RPS6KA2: variants seen among roughly 807,000 people sequenced by gnomAD.
The protein encoded by RPS6KA2 is ribosomal protein S6 kinase alpha-2.
In RPS6KA2, 42 loss-of-function variants were observed where a neutral mutation model predicts 91.8. The ratio of observed to expected loss-of-function variants is 0.46; its 90% CI spans 0.36 to 0.59. The LOEUF is 0.59. RPS6KA2 is among the 20% of genes least tolerant of loss of function. The pLI, the probability that RPS6KA2 is intolerant of heterozygous loss-of-function variation, is 0.00. For missense variants in RPS6KA2, 798 were observed against 978.5 expected (o/e 0.82, Z 2.46); for synonymous variants, 414 against 393.6 (o/e 1.05, Z -0.61).
chr6:166,604,773 G>T (rs1349686349), intron 1 of RPS6KA2, among the ~76,000 whole-genome samples: 2 of 152,200 alleles, frequency 1.3e-5, no homozygotes, highest in Non-Finnish European at 1.5e-5. Context: ...AGAAGGAGAA[G>T]ACTACGAGCC....
At chr6:166,482,162 C>T (rs1438499903) in intron 10 of RPS6KA2, among the ~76,000 whole-genome samples, 1 of 152,234 alleles carries the variant, frequency 6.6e-6, no homozygotes, top group Non-Finnish European at 1.5e-5. Context: ...ATATACCTCT[C>T]TGATCGATCT....
At chr6:166,461,900 G>T (rs1562510067) in intron 11 of RPS6KA2, among the ~76,000 whole-genome samples, 1 of 152,056 alleles carries the variant, frequency 6.6e-6, no homozygotes, top group Non-Finnish European at 1.5e-5. Context: ...CATCCCCAGA[G>T]CCTGGTGCCC....
intron 2 of RPS6KA2, among the ~76,000 whole-genome samples, chr6:166,791,450 A>G (rs1211695022): frequency 6.6e-6 from 1 of 152,284 alleles, no homozygotes; most frequent in East Asian, 1.9e-4. Context: ...ACATTAGACA[A>G]GTCAACGAGA....
intron 4 of RPS6KA2, chr6:166,509,420 C>T (rs553705122): frequency 2.2e-4 from 38 of 170,152 alleles, no homozygotes; most frequent in African/African-American, 7.2e-5. Context: ...CCTCCTCTGC[C>T]GGGAGGTAGA....
chr6:166,834,527 G>A (rs553841383), intron 2 of RPS6KA2, among the ~76,000 whole-genome samples: 79 of 152,264 alleles, frequency 5.2e-4, no homozygotes, highest in Admixed American at 2.0e-3. Context: ...CTTAGTACCT[G>A]GGTGATGAAA....
chr6:166,486,348 C>T (rs928530650), intron 10 of RPS6KA2, among the ~76,000 whole-genome samples: 4 of 152,180 alleles, frequency 2.6e-5, no homozygotes, highest in Admixed American at 6.5e-5. Context: ...CCTGATCAGG[C>T]GTCCTCCCCT....
intron 2 of RPS6KA2, among the ~76,000 whole-genome samples, chr6:166,786,292 C>A (rs1475499757): frequency 6.6e-6 from 1 of 152,110 alleles, no homozygotes; most frequent in Admixed American, 6.5e-5. Flanking sequence ...GTCTAATAAA[C>A]CTTAATTCCA....
At chr6:166,730,638 T>C (rs1260170810) in intron 2 of RPS6KA2, among the ~76,000 whole-genome samples, 1 of 152,234 alleles carries the variant, frequency 6.6e-6, no homozygotes, top group Non-Finnish European at 1.5e-5. Flanking sequence ...TTATTCTAAA[T>C]TCTTCTCTAT....
chr6:166,794,251 A>G, intron 2 of RPS6KA2, among the ~76,000 whole-genome samples: 31 of 146,370 alleles, frequency 2.1e-4, no homozygotes, highest in African/African-American at 3.5e-4. Context: ...AACACATGAA[A>G]AAATGCTCAT....
Position 166,501,136 on chromosome 6 carries a change from G to A in RPS6KA2, c.567-212C>T, listed in dbSNP as rs80011876. 4.1e-3 allele frequency among the ~76,000 whole-genome samples: 619 copies of A among 152,280 alleles called. 4 individuals are homozygous for A. Among genetic ancestry groups the A allele is most frequent in the African/African-American group, 0.014 (595 of 41,568 alleles). On this transcript the variant is annotated intron_variant, in intron 6 of 20. Coordinates refer to ENST00000265678, the MANE Select transcript of RPS6KA2 (RefSeq NM_021135.6). ...AGCTCCCAGCTCGAGAAAGCATTTG[G>A]TGCCACACCTCCTGGATAAAGGGAT...
Position 166,563,110 on chromosome 6 carries a change from A to G in RPS6KA2, c.100-24326T>C, listed in dbSNP as rs1333771897. Among the ~76,000 whole-genome samples, 1 of 152,138 alleles carries G rather than the reference A, an allele frequency of 6.6e-6. No individual in the cohort carries two copies. The highest frequency in any genetic ancestry group is 1.5e-5 in the Non-Finnish European group (1 of 67,996). ...CCTTGGAGTCCCTTCCAGTGTGTGG[A>G]AGAGATCCAGCCTGCAATGACTGGA... On this transcript the variant is annotated intron_variant, in intron 1 of 20. Coordinates refer to ENST00000265678, the MANE Select transcript of RPS6KA2 (RefSeq NM_021135.6). This position sits in a 1 kb window ranked among gnomAD's most constrained non-coding sequence, Gnocchi z 4.1.
intron 10 of RPS6KA2, among the ~76,000 whole-genome samples, chr6:166,484,126 G>T (rs902630823): frequency 2.0e-5 from 3 of 152,250 alleles, no homozygotes; most frequent in Non-Finnish European, 2.9e-5. Flanking sequence ...AATGGATAGA[G>T]ATGAAGCAGG....
intron 1 of RPS6KA2, among the ~76,000 whole-genome samples, chr6:166,617,077 C>T (rs1250509710): frequency 6.6e-6 from 1 of 152,216 alleles, no homozygotes; most frequent in Non-Finnish European, 1.5e-5. Context: ...CGAAGGCAGT[C>T]ACAGGCTGGA....
At chr6:166,488,744 A>G (rs1781494596) in intron 10 of RPS6KA2, 89 bp downstream of exon 10, 1 of 997,318 alleles carries the variant, frequency 1.0e-6, no homozygotes, top group South Asian at 1.4e-5. Context: ...ATTGGGCCGG[A>G]GCAGGAGGGT....
intron 2 of RPS6KA2, among the ~76,000 whole-genome samples, chr6:166,646,091 G>A (rs1787592675): frequency 6.6e-6 from 1 of 152,222 alleles, no homozygotes; most frequent in South Asian, 2.1e-4. Flanking sequence ...TTTAGCTGTA[G>A]GAATTGGGAA....
chr6:166,754,061 G>T (rs1188481993), intron 2 of RPS6KA2, among the ~76,000 whole-genome samples: 3 of 152,176 alleles, frequency 2.0e-5, no homozygotes, highest in Non-Finnish European at 4.4e-5. Context: ...CAGTCTCCCT[G>T]AGGCCCGAGG....
rs1582973330 is a variant in RPS6KA2 at position 166,639,039 on chromosome 6, A to G, written c.124-100255T>C. ...CAGGTCGTCACCTATGCAAACAGCA[A>G]TTTCATGCAGTTAAACCAATATGTG... is the stretch of plus-strand genomic sequence containing the variant. On this transcript the variant is annotated intron_variant, in intron 2 of 21. Coordinates refer to the RPS6KA2 transcript ENST00000503859. This position sits in a 1 kb window ranked among gnomAD's most constrained non-coding sequence, Gnocchi z 4.2. Among the ~76,000 whole-genome samples the G allele has an allele frequency of 6.6e-6, 1 of 152,246 alleles. No individual in the cohort carries two copies. Among genetic ancestry groups the G allele is most frequent in the South Asian group, 2.1e-4 (1 of 4,834 alleles).
rs147508137 is a variant in RPS6KA2, at chr6:166,778,863, G to T, written c.123+79337C>A. Among the ~76,000 whole-genome samples, 89 of 152,364 alleles carry T rather than the reference G, an allele frequency of 5.8e-4. 1 individual carries two copies. The East Asian group carries it at 0.012, about 21-fold the overall frequency. The stretch of plus-strand genomic sequence containing the variant: ...CTGGCTCCTACAAACAGCACCGTAA[G>T]CGCCACGCTGCGTCTGGTGAGAGTT... On this transcript the variant is annotated intron_variant, in intron 2 of 21. Transcript: ENST00000503859.
intron 2 of RPS6KA2, among the ~76,000 whole-genome samples, chr6:166,672,915 T>C (rs1214728360): frequency 6.6e-6 from 1 of 152,168 alleles, no homozygotes; most frequent in Non-Finnish European, 1.5e-5. Context: ...GGCTCCGCAC[T>C]CTTCCGCGTC....
Sources: allele counts gnomAD v4.1 joint callset (sites outside exome capture counted in the v4.1 genomes callset), GRCh38; gene constraint gnomAD v4.1.1; non-coding constraint Gnocchi (gnomAD v3.1); transcripts MANE v1.5; gene names NCBI Gene and HGNC (gene_info 2026-07-23, HGNC 2026-07-21).